The following CLCN3 variants were observed in gnomAD, a reference collection of about 807,000 sequenced individuals.
The protein encoded by CLCN3 is H(+)/Cl(-) exchange transporter 3.
CLCN3 carries 16 observed loss-of-function variants against 83.4 expected under a neutral mutation model. The ratio of observed to expected loss-of-function variants is 0.19; its 90% CI spans 0.13 to 0.29. The LOEUF is 0.29. Ranked by LOEUF, CLCN3 falls within the 10% of genes least tolerant of loss-of-function variation. CLCN3 has a pLI of 1.00. For synonymous variants in CLCN3, 322 were observed against 346.2 expected (o/e 0.93, Z 0.78); for missense variants, 544 against 1,006.0 (o/e 0.54, Z 6.21).
intron 2 of CLCN3, among the ~76,000 whole-genome samples, chr4:169,641,223 G>A (rs1730404209): frequency 6.6e-6 from 1 of 152,224 alleles, no homozygotes; most frequent in East Asian, 1.9e-4. Flanking sequence ...CCTGTGAATA[G>A]CCCCTGCACT....
At chr4:169,631,774 T>A (rs755910381) in intron 1 of CLCN3, among the ~76,000 whole-genome samples, 3 of 152,016 alleles carry the variant, frequency 2.0e-5, no homozygotes, top group Non-Finnish European at 4.4e-5. Flanking sequence ...ATACAAAAGA[T>A]CCCCAGAGAC....
At chr4:169,640,793 C>T (rs895124348) in intron 2 of CLCN3, among the ~76,000 whole-genome samples, 1 of 152,114 alleles carries the variant, frequency 6.6e-6, no homozygotes, top group Non-Finnish European at 1.5e-5. Context: ...ATAGATAGTA[C>T]TATCTTCACT....
intron 2 of CLCN3, among the ~76,000 whole-genome samples, chr4:169,637,445 G>A (rs1273984073): frequency 6.6e-6 from 1 of 151,994 alleles, no homozygotes; most frequent in South Asian, 2.1e-4. Flanking sequence ...TCGAGGCCAG[G>A]AGTTTGAGAC....
At chr4:169,645,367 G>A (rs923309849) in intron 2 of CLCN3, among the ~76,000 whole-genome samples, 1 of 152,048 alleles carries the variant, frequency 6.6e-6, no homozygotes, top group Non-Finnish European at 1.5e-5. Context: ...TACACACACA[G>A]AAAAAACATT....
rs556404186 is a variant in CLCN3 at position 169,717,487 on chromosome 4, A to C, written c.2367-2420A>C. ...AGGTCTATAGCTATGTATCAATATT[A>C]AGTTTCTTTTGTACTTTGCTTTGTA... On this transcript the variant is annotated intron_variant, in intron 12 of 12. Transcript: ENST00000513761. Among the ~76,000 whole-genome samples, 16 of 152,252 alleles carry C rather than the reference A, an allele frequency of 1.1e-4. 1 individual carries two copies. In the South Asian group the frequency reaches 3.3e-3, roughly 32 times the overall value.
intron 2 of CLCN3, chr4:169,660,078 C>T: frequency 9.7e-7 from 1 of 1,030,358 alleles, no homozygotes; most frequent in Non-Finnish European, 1.2e-6. Context: ...GTGTGTTGTA[C>T]TTGGAGCTTA....
chr4:169,660,497 C>T (rs571999855), intron 2 of CLCN3: 23 of 1,235,914 alleles, frequency 1.9e-5, no homozygotes, highest in East Asian at 3.1e-5. Context: ...GTTTTGCATG[C>T]GGCTGGGCGG....
chr4:169,666,459 G>A (rs918471937), intron 2 of CLCN3, among the ~76,000 whole-genome samples: 1 of 152,204 alleles, frequency 6.6e-6, no homozygotes, highest in Non-Finnish European at 1.5e-5. Context: ...ATAAGGATGT[G>A]AGTGCTGGGA....
At chr4:169,646,975 C>T (rs920959424) in intron 2 of CLCN3, among the ~76,000 whole-genome samples, 1 of 152,120 alleles carries the variant, frequency 6.6e-6, no homozygotes, top group Non-Finnish European at 1.5e-5. Flanking sequence ...TGTGAGAGTC[C>T]TTTATGATAA....
At chr4:169,656,982 G>T (rs977276543) in intron 2 of CLCN3, among the ~76,000 whole-genome samples, 3 of 152,048 alleles carry the variant, frequency 2.0e-5, no homozygotes, top group African/African-American at 7.2e-5. Context: ...CATTATGGAA[G>T]AAATTTTAAA....
intron 1 of CLCN3, among the ~76,000 whole-genome samples, chr4:169,635,162 G>C (rs1001744064): frequency 6.6e-6 from 1 of 152,084 alleles, no homozygotes; most frequent in Non-Finnish European, 1.5e-5. Context: ...GTTTTACAAG[G>C]CTTACTGGTT....
intron 2 of CLCN3, among the ~76,000 whole-genome samples, chr4:169,649,023 T>TAAAAAA: frequency 7.3e-6 from 1 of 137,034 alleles, no homozygotes; most frequent in Non-Finnish European, 1.6e-5. Context: ...GGAGAATATC[T>TAAAAAA]AAAAAAAAAA....
chr4:169,644,996 C>CT (rs2150208637), intron 2 of CLCN3, among the ~76,000 whole-genome samples: 1 of 152,304 alleles, frequency 6.6e-6, no homozygotes, highest in East Asian at 1.9e-4. Flanking sequence ...CACTGCCCTG[C>CT]TGACACACCT....
At chr4:169,702,433 A>G (rs933374124) in intron 9 of CLCN3, among the ~76,000 whole-genome samples, 3 of 152,194 alleles carry the variant, frequency 2.0e-5, no homozygotes, top group Admixed American at 1.3e-4. Flanking sequence ...GTGATGAGTA[A>G]TGTTTTAAAA....
chr4:169,656,870 G>C (rs995655509), intron 2 of CLCN3, among the ~76,000 whole-genome samples: 35 of 152,074 alleles, frequency 2.3e-4, no homozygotes, highest in African/African-American at 7.7e-4. Context: ...TGAGCTAGGG[G>C]GTCGAAGCTT....
chr4:169,691,973 G>A (rs189637347), intron 6 of CLCN3, 141 bp from the exon 7 acceptor site: 50 of 558,778 alleles, frequency 8.9e-5, no homozygotes, highest in Admixed American at 6.7e-4. Flanking sequence ...CAAAGTTTTC[G>A]AAAAATTAAC....
chr4:169,635,597 C>T (rs2150202129), intron 1 of CLCN3, among the ~76,000 whole-genome samples: 1 of 152,206 alleles, frequency 6.6e-6, no homozygotes, highest in East Asian at 1.9e-4. Context: ...GTTCCCTACC[C>T]TTTGGGCAAC....
intron 2 of CLCN3, among the ~76,000 whole-genome samples, chr4:169,646,806 A>G (rs1324104693): frequency 6.6e-6 from 1 of 152,194 alleles, no homozygotes; most frequent in Non-Finnish European, 1.5e-5. Flanking sequence ...GAAAATGGCT[A>G]CCTGCCTGAC....
chr4:169,677,984 G>T (rs1404691235), intron 2 of CLCN3, among the ~76,000 whole-genome samples: 1 of 152,164 alleles, frequency 6.6e-6, no homozygotes. Context: ...ATGTGTCAAA[G>T]ATTTATTTGA....
Sources: allele counts gnomAD v4.1 joint callset (sites outside exome capture counted in the v4.1 genomes callset), GRCh38; gene constraint gnomAD v4.1.1; transcripts MANE v1.5; gene names NCBI Gene and HGNC (gene_info 2026-07-23, HGNC 2026-07-21).